CSMD2: variants seen among roughly 807,000 people sequenced by gnomAD.
CSMD2 encodes the protein CUB and sushi domain-containing protein 2.
In CSMD2, 130 loss-of-function variants were observed where a neutral mutation model predicts 398.5. The ratio of observed to expected loss-of-function variants is 0.33; its 90% CI spans 0.28 to 0.38. The LOEUF (loss-of-function observed/expected upper bound fraction) is 0.38, where lower values mean the gene tolerates loss of function less well. Ranked by LOEUF, CSMD2 falls within the 10% of genes least tolerant of loss-of-function variation. The pLI, the probability that CSMD2 is intolerant of heterozygous loss-of-function variation, is 1.00. For missense variants in CSMD2, 3,829 were observed against 4,764.9 expected, an observed-to-expected ratio of 0.80 and a Z score of 5.78; for synonymous variants, 1,828 against 1,908.5, an observed-to-expected ratio of 0.96 and a Z score of 1.10.
At position 33,714,615 on chromosome 1, in the gene CSMD2, C is replaced by G; in HGVS notation, c.3378G>C (p.Leu1126=). 1 of 1,613,910 alleles carries G rather than the reference C, an allele frequency of 6.2e-7. No homozygotes were observed. The highest frequency in any genetic ancestry group is 8.5e-7 in the Non-Finnish European group (1 of 1,180,014). The change falls in exon 21 of 71, where the codon CTG becomes CTC. Residue 1126 remains leucine (L), a synonymous_variant. Coordinates refer to ENST00000373381, the MANE Select transcript of CSMD2 (RefSeq NM_001281956.2). ...RITCLGGRRR[L]WSSPLPRCVA... ...CACACCTTGGCAGAGGCGAGCTCCACAGGCGCCGTCTGCCCCCCAGGCACG... is the reference window on the plus strand; with the variant it reads ...CACACCTTGGCAGAGGCGAGCTCCAGAGGCGCCGTCTGCCCCCCAGGCACG...
At chr1:33,915,116 CT>C (rs1643655852) in intron 5 of CSMD2, among the ~76,000 whole-genome samples, 1 of 151,658 alleles carries the variant, frequency 6.6e-6, no homozygotes, top group Non-Finnish European at 1.5e-5. Context: ...TTTTTTTTCT[CT>C]CAAAGGAATT....
intron 40 of CSMD2, among the ~76,000 whole-genome samples, chr1:33,614,141 C>T (rs1641230439): frequency 6.7e-6 from 1 of 148,988 alleles, no homozygotes; most frequent in South Asian, 2.2e-4. Flanking sequence ...TCCGCCCCAC[C>T]CCCGCCTTTT....
chr1:34,004,271 G>A (rs928494684), intron 3 of CSMD2, among the ~76,000 whole-genome samples: 5 of 152,196 alleles, frequency 3.3e-5, no homozygotes, highest in Non-Finnish European at 5.9e-5. Context: ...CTGTTCCTGA[G>A]GCCACACCCG....
chr1:33,679,199 GTTTT>G (rs58284803), intron 25 of CSMD2, among the ~76,000 whole-genome samples: 3 of 84,202 alleles, frequency 3.6e-5, no homozygotes, highest in Non-Finnish European at 4.9e-5. Context: ...AATTGCAGTT[GTTTT>G]TTTTTTTTTT....
rs147912282 is a variant in CSMD2 at position 33,611,132 on chromosome 1, T to C, written c.6252A>G (p.Pro2084=). ...MMGRFSGSEL[P]SSLLSTSHET... ...CGTGGGACGTGGAGAGGAGGGAGCT[T>C]GGAAGCTCGCTTCCACTGAATCTTC... The change falls in exon 41 of 71, where the codon CCA becomes CCG. Residue 2084 remains proline, a synonymous_variant. Coordinates refer to ENST00000373381, the MANE Select transcript of CSMD2 (RefSeq NM_001281956.2). The C allele has an allele frequency of 2.5e-6, 4 of 1,614,010 alleles. No homozygotes were observed. The highest frequency in any genetic ancestry group is 3.4e-6 in the Non-Finnish European group (4 of 1,179,998).
At position 33,614,522 on chromosome 1, in the gene CSMD2, C is replaced by T. The variant is rs1570949512; in HGVS notation, c.6115G>A (p.Ala2039Thr). The change falls in exon 40 of 71, where the codon GCA becomes ACA. Residue 2039 changes from alanine to threonine, a missense_variant. By Grantham distance (58) the Ala-to-Thr change is moderately conservative. Transcript: ENST00000373381. ...GACTTACCAAAGCCCACGGGCAGTG[C>T]TATTTTCCAGGAGCAGTCCATGTTA... ...PSNMDCSWKIALPVGFGAHIQ... is the reference protein window; with the variant it reads ...PSNMDCSWKITLPVGFGAHIQ... 6.2e-7 allele frequency: 1 copy of T among 1,604,650 alleles called. No individual in the cohort carries two copies. Among genetic ancestry groups the T allele is most frequent in the Non-Finnish European group, 8.5e-7 (1 of 1,171,850 alleles).
intron 49 of CSMD2, among the ~76,000 whole-genome samples, chr1:33,576,496 C>A (rs533407731): frequency 1.3e-5 from 2 of 152,270 alleles, no homozygotes; most frequent in South Asian, 4.1e-4. Flanking sequence ...GAGGCTGAGA[C>A]AGGAGAATTG....
intron 5 of CSMD2, among the ~76,000 whole-genome samples, chr1:33,901,386 C>T (rs1642748558): frequency 6.6e-6 from 1 of 152,182 alleles, no homozygotes; most frequent in African/African-American, 2.4e-5. Flanking sequence ...ATCTTTACAC[C>T]TGTCTGTGCC....
intron 3 of CSMD2, among the ~76,000 whole-genome samples, chr1:33,937,908 A>T (rs1459435237): frequency 2.0e-5 from 3 of 152,266 alleles, no homozygotes; most frequent in African/African-American, 7.2e-5. Context: ...CAGGGCCATG[A>T]GGGCGTGGGC....
chr1:33,792,278 A>C, intron 11 of CSMD2, 145 bp downstream of exon 11: 2 of 658,718 alleles, frequency 3.0e-6, no homozygotes, highest in Non-Finnish European at 5.6e-6. Flanking sequence ...AGAGAGGTAG[A>C]AGGATTATTG....
At chr1:33,822,173 GACA>G (rs1343871325) in intron 7 of CSMD2, among the ~76,000 whole-genome samples, 2 of 152,122 alleles carry the variant, frequency 1.3e-5, no homozygotes, top group East Asian at 1.9e-4. Context: ...TCAGGCTGAG[GACA>G]ACAAGAGCCT....
rs1336797439 is a variant in CSMD2, at chr1:33,646,251, G to C, written c.4774+397C>G. On this transcript the variant is annotated intron_variant, in intron 29 of 70. Coordinates refer to ENST00000373381, the MANE Select transcript of CSMD2 (RefSeq NM_001281956.2). ...AGGGATGTTGAAGTTACCCAGGATG[G>C]TGAGAAGCTCTGAGTGGAGAGGAAG... Among the ~76,000 whole-genome samples the C allele has an allele frequency of 2.0e-5, 3 of 152,196 alleles. No individual in the cohort carries two copies. The East Asian group carries it at 5.8e-4, about 29-fold the overall frequency.
intron 1 of CSMD2, among the ~76,000 whole-genome samples, chr1:34,095,468 G>A (rs1327819078): frequency 6.6e-6 from 1 of 150,868 alleles, no homozygotes; most frequent in East Asian, 1.9e-4. Flanking sequence ...AATGAATCCA[G>A]GAGCTGGTTT....
At chr1:33,745,516 C>A (rs1296166784) in intron 13 of CSMD2, among the ~76,000 whole-genome samples, 1 of 152,178 alleles carries the variant, frequency 6.6e-6, no homozygotes, top group East Asian at 1.9e-4. Flanking sequence ...ATAATAAAAT[C>A]ATGTTTGCCA....
chr1:34,146,730 C>G (rs1639796347), intron 1 of CSMD2, among the ~76,000 whole-genome samples: 1 of 152,112 alleles, frequency 6.6e-6, no homozygotes, highest in African/African-American at 2.4e-5. Flanking sequence ...TAGGAAGATG[C>G]ATGACTGTGA....
intron 1 of CSMD2, among the ~76,000 whole-genome samples, chr1:34,145,805 T>C (rs1186751846): frequency 6.6e-6 from 1 of 152,064 alleles, no homozygotes. Flanking sequence ...AGGGAGGGCT[T>C]CCAAGGGACC....
At chr1:33,755,395 T>C (rs1648843388) in intron 13 of CSMD2, among the ~76,000 whole-genome samples, 2 of 152,246 alleles carry the variant, frequency 1.3e-5, no homozygotes, top group Admixed American at 6.5e-5. Flanking sequence ...CAAGGTCACC[T>C]GCATCAGGGC....
chr1:33,590,595 T>TCACACACACACA (rs10611040), intron 44 of CSMD2, among the ~76,000 whole-genome samples: 2,876 of 137,644 alleles, frequency 0.021, 61 homozygotes, highest in East Asian at 0.039. Context: ...CTATTTCCCA[T>TCACACACACACA]CACACACACA....
At chr1:34,021,151 A>T (rs956527384) in intron 3 of CSMD2, among the ~76,000 whole-genome samples, 3 of 152,230 alleles carry the variant, frequency 2.0e-5, no homozygotes, top group African/African-American at 7.2e-5. Flanking sequence ...GTTATTCATT[A>T]ATGGCAAGAG....
Sources: allele counts gnomAD v4.1 joint callset (sites outside exome capture counted in the v4.1 genomes callset), GRCh38; gene constraint gnomAD v4.1.1; transcripts MANE v1.5; gene names NCBI Gene and HGNC (gene_info 2026-07-23, HGNC 2026-07-21).